The following EPB41L3 variants were observed in gnomAD, a reference collection of about 807,000 sequenced individuals.
The protein encoded by EPB41L3 is band 4.1-like protein 3.
A neutral mutation model predicts 127.1 loss-of-function variants in EPB41L3; 57 were observed. The ratio of observed to expected loss-of-function variants is 0.45; its 90% CI spans 0.36 to 0.56. The LOEUF (loss-of-function observed/expected upper bound fraction) is 0.56, where lower values mean the gene tolerates loss of function less well. EPB41L3 is among the 20% of genes least tolerant of loss of function. The pLI, the probability that EPB41L3 is intolerant of heterozygous loss-of-function variation, is 0.00. For missense variants in EPB41L3, 1,273 were observed against 1,372.2 expected (o/e 0.93, Z 1.14); for synonymous variants, 572 against 549.5 (o/e 1.04, Z -0.57).
At chr18:5,569,603 A>G (rs1313830155) in intron 3 of EPB41L3, among the ~76,000 whole-genome samples, 1 of 152,236 alleles carries the variant, frequency 6.6e-6, no homozygotes, top group East Asian at 1.9e-4. Flanking sequence ...TGACTGACAT[A>G]GAGGCATGAC....
intron 3 of EPB41L3, among the ~76,000 whole-genome samples, chr18:5,582,231 T>C (rs1189295495): frequency 6.6e-6 from 1 of 152,104 alleles, no homozygotes; most frequent in East Asian, 1.9e-4. Flanking sequence ...TGGTATATCT[T>C]GGGAAATGCA....
intron 5 of EPB41L3, among the ~76,000 whole-genome samples, chr18:5,441,604 T>C (rs1012500091): frequency 2.6e-5 from 4 of 152,108 alleles, no homozygotes; most frequent in African/African-American, 9.7e-5. Flanking sequence ...TAGCTGGGAC[T>C]ACAGGCGCAC....
intron 1 of EPB41L3, among the ~76,000 whole-genome samples, chr18:5,530,839 CAATT>C (rs1368612994): frequency 6.6e-6 from 1 of 152,146 alleles, no homozygotes. Context: ...TGGGAGGCAA[CAATT>C]AATTATGTCT....
chr18:5,476,518 T>A (rs1331041487), intron 3 of EPB41L3, among the ~76,000 whole-genome samples: 1 of 152,210 alleles, frequency 6.6e-6, no homozygotes, highest in Non-Finnish European at 1.5e-5. Flanking sequence ...CCCTAAGGCA[T>A]TATCCTCTCT....
intron 16 of EPB41L3, chr18:5,400,641 A>T (rs1338504112): frequency 2.1e-6 from 1 of 477,190 alleles, no homozygotes; most frequent in South Asian, 1.6e-5. Context: ...AAATCAGTCA[A>T]CTTCATCTAA....
chr18:5,543,319 G>C lies in EPB41L3; in HGVS notation c.-12+594C>G, dbSNP rs975173675. ...TGCTTTGTGCGGAGCGCACCTTATC[G>C]GCCCCGCGCTGCGCCCGCCCGCGCC... On this transcript the variant is annotated intron_variant, in intron 1 of 22. Coordinates refer to ENST00000341928, the MANE Select transcript of EPB41L3 (RefSeq NM_012307.5). The surrounding 1 kb of genome is among the most constrained non-coding windows in gnomAD (Gnocchi z 5.2). 2.0e-5 allele frequency: 3 copies of C among 149,760 alleles called. No individual in the cohort carries two copies. The highest frequency in any genetic ancestry group is 4.5e-5 in the Non-Finnish European group (3 of 67,232). The allele number at this position is 149,760 out of a possible 1,614,324, so 9.3% of individuals were successfully genotyped here.
intron 16 of EPB41L3, chr18:5,400,926 A>T: frequency 7.7e-7 from 1 of 1,292,776 alleles, no homozygotes; most frequent in Non-Finnish European, 1.1e-6. Context: ...CTGAAGTCTG[A>T]AGACCAATTT....
chr18:5,503,391 C>T (rs1408945024), intron 1 of EPB41L3, among the ~76,000 whole-genome samples: 3 of 152,158 alleles, frequency 2.0e-5, no homozygotes, highest in Admixed American at 2.0e-4. Flanking sequence ...CCGAAAAAAA[C>T]ATGTTAAGTG....
At chr18:5,540,528 T>C in intron 1 of EPB41L3, 1 of 985,456 alleles carries the variant, frequency 1.0e-6, no homozygotes, top group East Asian at 1.1e-4. Context: ...GAGCACAGAA[T>C]TCCCCACAGC....
chr18:5,540,141 T>C (rs2093680765), intron 1 of EPB41L3, among the ~76,000 whole-genome samples: 1 of 152,178 alleles, frequency 6.6e-6, no homozygotes, highest in Non-Finnish European at 1.5e-5. Flanking sequence ...AATAAAAATA[T>C]ACTCATTTTT....
chr18:5,622,364 T>C (rs16948536), intron 1 of EPB41L3, among the ~76,000 whole-genome samples: 55,682 of 152,100 alleles, frequency 0.37, 10,722 homozygotes, highest in African/African-American at 0.48. Flanking sequence ...AGATGTGTAT[T>C]ACTAAGCTTG....
At chr18:5,494,159 T>C (rs2090906564) in intron 1 of EPB41L3, among the ~76,000 whole-genome samples, 1 of 152,064 alleles carries the variant, frequency 6.6e-6, no homozygotes, top group African/African-American at 2.4e-5. Context: ...ACCGAACATT[T>C]TTCCATCCAA....
chr18:5,412,243 G>A (rs1250599043), intron 13 of EPB41L3, among the ~76,000 whole-genome samples: 1 of 151,974 alleles, frequency 6.6e-6, no homozygotes, highest in Admixed American at 6.5e-5. Context: ...TGTCACCCTG[G>A]CTGGAGCACA....
chr18:5,527,707 C>T lies in EPB41L3; in HGVS notation c.-12+16206G>A, dbSNP rs189974440. Among the ~76,000 whole-genome samples, 101 of 152,210 alleles carry T rather than the reference C, an allele frequency of 6.6e-4. 1 individual carries two copies. Among genetic ancestry groups the T allele is most frequent in the Middle Eastern group, 6.8e-3 (2 of 294 alleles). ...GAGGTCTGTGCAAGGCTACACTAAG[C>T]GGCAAAGGATGAAGAAAGGCATGGG... On this transcript the variant is annotated intron_variant, in intron 1 of 22. Transcript: ENST00000341928.
chr18:5,549,193 G>A (rs1719967), upstream of EPB41L3, among the ~76,000 whole-genome samples: 92 of 152,086 alleles, frequency 6.0e-4, 3 homozygotes, highest in South Asian at 8.5e-3. Context: ...CATTAGCTTT[G>A]TTTCTTAATT....
chr18:5,425,198 A>G (rs910540863), intron 9 of EPB41L3, among the ~76,000 whole-genome samples: 17 of 152,214 alleles, frequency 1.1e-4, no homozygotes, highest in South Asian at 4.1e-4. Flanking sequence ...AATCATTTAT[A>G]TGGCAAAGAA....
intron 1 of EPB41L3, among the ~76,000 whole-genome samples, chr18:5,498,594 C>CAAAAAAAA (rs397828412): frequency 0.021 from 1,454 of 70,014 alleles, 120 homozygotes; most frequent in East Asian, 0.042. Context: ...GACTCCATCT[C>CAAAAAAAA]AAAAAAAAAA....
chr18:5,541,220 T>C (rs539316895), intron 1 of EPB41L3, among the ~76,000 whole-genome samples: 2 of 113,636 alleles, frequency 1.8e-5, no homozygotes, highest in South Asian at 6.2e-4. Context: ...GCCATTGCAC[T>C]CCAGCCTGGG....
intron 16 of EPB41L3, among the ~76,000 whole-genome samples, chr18:5,405,666 C>G (rs574473854): frequency 6.6e-6 from 1 of 152,116 alleles, no homozygotes; most frequent in Non-Finnish European, 1.5e-5. Context: ...GTGGTGCCTG[C>G]TTGTAGTCCC....
Sources: gnomAD v4.1 joint callset for allele counts (sites outside exome capture counted in the v4.1 genomes callset) on GRCh38, gnomAD v4.1.1 for gene constraint, Gnocchi (gnomAD v3.1) non-coding constraint, MANE v1.5 for transcripts, NCBI Gene and HGNC (gene_info 2026-07-23, HGNC 2026-07-21) for gene names.